MGAT4C: variants seen among roughly 807,000 people sequenced by gnomAD.
The protein encoded by MGAT4C is MGAT4 family member C.
Under a neutral mutation model 40.1 loss-of-function variants are expected in MGAT4C, and 19 were observed. The observed-to-expected ratio is 0.47, with a 90% CI of 0.33 to 0.70. The LOEUF (loss-of-function observed/expected upper bound fraction) is 0.70. Among genes scored for constraint, MGAT4C ranks in the 30% least tolerant of loss-of-function variants. The pLI, the probability that MGAT4C is intolerant of heterozygous loss-of-function variation, is 0.02. For missense variants in MGAT4C, 491 were observed against 563.2 expected (o/e 0.87, Z 1.30); for synonymous variants, 181 against 187.1 (o/e 0.97, Z 0.27).
intron 1 of MGAT4C, among the ~76,000 whole-genome samples, chr12:86,779,628 A>G (rs1025691279): frequency 6.6e-6 from 1 of 151,316 alleles, no homozygotes; most frequent in African/African-American, 2.4e-5. Context: ...TAATAATAAT[A>G]AAAGGCCGGG....
chr12:86,029,900 T>C (rs1890585503), intron 2 of MGAT4C, among the ~76,000 whole-genome samples: 1 of 151,828 alleles, frequency 6.6e-6, no homozygotes, highest in African/African-American at 2.4e-5. Flanking sequence ...ATAACCATAT[T>C]TGGAGGGACA....
intron 1 of MGAT4C, among the ~76,000 whole-genome samples, chr12:86,095,641 T>C (rs959773677): frequency 1.8e-4 from 28 of 151,734 alleles, no homozygotes; most frequent in Admixed American, 4.6e-4. Flanking sequence ...ATTTTCTTTT[T>C]TTTTTTTCCT....
At chr12:86,512,595 C>G (rs1013714898) in intron 2 of MGAT4C, among the ~76,000 whole-genome samples, 7 of 152,032 alleles carry the variant, frequency 4.6e-5, no homozygotes, top group Non-Finnish European at 8.8e-5. Context: ...TATTATTCAG[C>G]TATTAATAAA....
chr12:86,718,192 G>T (rs146506922), intron 2 of MGAT4C, among the ~76,000 whole-genome samples: 9 of 152,282 alleles, frequency 5.9e-5, no homozygotes, highest in African/African-American at 1.9e-4. Context: ...TCTAAACCAT[G>T]ATGGTAAAAT....
At chr12:86,608,545 T>C (rs1276680370) in intron 2 of MGAT4C, among the ~76,000 whole-genome samples, 1 of 152,142 alleles carries the variant, frequency 6.6e-6, no homozygotes, top group African/African-American at 2.4e-5. Flanking sequence ...ATACTGCAAC[T>C]TGGGTGCCAG....
At chr12:85,981,327 C>T (rs1210374699) in intron 4 of MGAT4C, among the ~76,000 whole-genome samples, 3 of 152,042 alleles carry the variant, frequency 2.0e-5, no homozygotes, top group Admixed American at 2.0e-4. Context: ...TGATATTAAT[C>T]AGAATTGAAT....
At chr12:86,572,039 A>C (rs1436057349) in intron 2 of MGAT4C, among the ~76,000 whole-genome samples, 1 of 152,114 alleles carries the variant, frequency 6.6e-6, no homozygotes, top group Non-Finnish European at 1.5e-5. Context: ...TGGCATTTGA[A>C]CCACATCTTA....
intron 2 of MGAT4C, among the ~76,000 whole-genome samples, chr12:86,617,610 C>G (rs1181409534): frequency 6.6e-6 from 1 of 151,986 alleles, no homozygotes; most frequent in Admixed American, 6.6e-5. Flanking sequence ...ATGGCATGAA[C>G]CCGGGAGGCG....
intron 1 of MGAT4C, among the ~76,000 whole-genome samples, chr12:86,224,528 T>A (rs1951004408): frequency 6.6e-6 from 1 of 152,192 alleles, no homozygotes; most frequent in Non-Finnish European, 1.5e-5. Flanking sequence ...TGTAGCATTA[T>A]TCAGAGTAAA....
chr12:86,019,809 C>T (rs1055455423), intron 2 of MGAT4C, among the ~76,000 whole-genome samples: 1 of 152,078 alleles, frequency 6.6e-6, no homozygotes, highest in Non-Finnish European at 1.5e-5. Flanking sequence ...GATACTGATT[C>T]TTCCTACCCA....
At chr12:86,556,824 T>G (rs998696460) in intron 2 of MGAT4C, among the ~76,000 whole-genome samples, 1 of 152,168 alleles carries the variant, frequency 6.6e-6, no homozygotes, top group South Asian at 2.1e-4. Flanking sequence ...GAATGAATAC[T>G]GCAGAAAAAT....
intron 2 of MGAT4C, among the ~76,000 whole-genome samples, chr12:86,042,136 T>A (rs1252611022): frequency 6.6e-6 from 1 of 152,240 alleles, no homozygotes; most frequent in African/African-American, 2.4e-5. Flanking sequence ...TAGCAATGCC[T>A]GCTTTTTTGT....
At chr12:86,038,088 T>C (rs1052244145) in intron 2 of MGAT4C, among the ~76,000 whole-genome samples, 2 of 149,618 alleles carry the variant, frequency 1.3e-5, no homozygotes, top group South Asian at 2.1e-4. Flanking sequence ...ACACTTTTTA[T>C]TGGTGATCAA....
intron 1 of MGAT4C, among the ~76,000 whole-genome samples, chr12:86,827,440 T>C (rs1220084017): frequency 6.6e-6 from 1 of 151,508 alleles, no homozygotes; most frequent in Non-Finnish European, 1.5e-5. Flanking sequence ...AAACAAAATA[T>C]CTGTTGGATA....
rs150809290 is a variant in MGAT4C, at chr12:86,700,345, T to C, written c.-229+26864A>G. On this transcript the variant is annotated intron_variant, in intron 2 of 7. Transcript: ENST00000548651. ...TTTAGAGAGAGAGACTGTGTGTGTG[T>C]GTGTGTGTAAGCTCAGACATAAACA... 3.3e-5 allele frequency among the ~76,000 whole-genome samples: 5 copies of C among 152,200 alleles called. No individual in the cohort carries two copies. In the East Asian group the frequency reaches 9.7e-4, roughly 29 times the overall value.
At chr12:86,108,680 T>C (rs1208504628) in intron 1 of MGAT4C, among the ~76,000 whole-genome samples, 1 of 152,148 alleles carries the variant, frequency 6.6e-6, no homozygotes, top group East Asian at 1.9e-4. Context: ...GGCCTAATTG[T>C]AGTATATTTA....
chr12:86,516,327 C>A (rs1407871719), intron 2 of MGAT4C, among the ~76,000 whole-genome samples: 1 of 151,990 alleles, frequency 6.6e-6, no homozygotes, highest in African/African-American at 2.4e-5. Context: ...GATAAGCATG[C>A]CAAGATAATT....
At chr12:86,305,277 T>C (rs1387922996) in intron 4 of MGAT4C, among the ~76,000 whole-genome samples, 1 of 149,648 alleles carries the variant, frequency 6.7e-6, no homozygotes, top group Non-Finnish European at 1.5e-5. Context: ...CCATCTCTAC[T>C]AAAAATACAA....
intron 1 of MGAT4C, among the ~76,000 whole-genome samples, chr12:86,765,963 T>C (rs867819187): frequency 0.019 from 2,878 of 152,132 alleles, 33 homozygotes; most frequent in African/African-American, 0.038. Context: ...CATCAACTAA[T>C]GAGTAAAATA....
Sources: allele counts gnomAD v4.1 joint callset (sites outside exome capture counted in the v4.1 genomes callset), GRCh38; gene constraint gnomAD v4.1.1; transcripts MANE v1.5; gene names NCBI Gene and HGNC (gene_info 2026-07-23, HGNC 2026-07-21).